VWC2L: variants seen among roughly 807,000 people sequenced by gnomAD.
VWC2L encodes von Willebrand factor C domain containing 2 like.
Under a neutral mutation model 21.6 loss-of-function variants are expected in VWC2L, and 10 were observed. The ratio of observed to expected loss-of-function variants is 0.46; its 90% CI spans 0.29 to 0.78. The LOEUF (loss-of-function observed/expected upper bound fraction) is 0.78. Ranked by LOEUF, VWC2L falls within the 30% of genes least tolerant of loss-of-function variation. VWC2L has a pLI of 0.10. For synonymous variants in VWC2L, 96 were observed against 94.3 expected (o/e 1.02, Z -0.10); for missense variants, 209 against 277.1 (o/e 0.75, Z 1.74).
intron 3 of VWC2L, among the ~76,000 whole-genome samples, chr2:214,482,466 C>T (rs998033568): frequency 4.6e-5 from 7 of 151,154 alleles, no homozygotes; most frequent in African/African-American, 1.7e-4. Flanking sequence ...TACACATACA[C>T]ACATATATAC....
At chr2:214,548,881 G>A (rs1689749833) in intron 3 of VWC2L, among the ~76,000 whole-genome samples, 1 of 152,136 alleles carries the variant, frequency 6.6e-6, no homozygotes, top group African/African-American at 2.4e-5. Context: ...TCAAGGGGTA[G>A]TTTTTACCTT....
At chr2:214,414,768 AT>A in intron 2 of VWC2L, 185 bp downstream of exon 2, 1 of 664,498 alleles carries the variant, frequency 1.5e-6, no homozygotes, top group Non-Finnish European at 2.5e-6. Context: ...TGTTGATCAT[AT>A]TTGTTAAGTT....
intron 3 of VWC2L, among the ~76,000 whole-genome samples, chr2:214,467,814 A>G (rs1703241930): frequency 6.6e-6 from 1 of 152,146 alleles, no homozygotes; most frequent in African/African-American, 2.4e-5. Context: ...TGTCTTAGCC[A>G]TATTAGATAA....
At chr2:214,425,978 C>T (rs1374626133) in intron 2 of VWC2L, among the ~76,000 whole-genome samples, 3 of 151,784 alleles carry the variant, frequency 2.0e-5, no homozygotes, top group African/African-American at 7.3e-5. Flanking sequence ...TCAAGACCAG[C>T]CTGGCCAACA....
At chr2:214,491,277 T>C (rs968964175) in intron 3 of VWC2L, among the ~76,000 whole-genome samples, 1 of 152,234 alleles carries the variant, frequency 6.6e-6, no homozygotes, top group African/African-American at 2.4e-5. Context: ...TGATGTTTTC[T>C]GTGTAAAAGG....
At chr2:214,500,213 A>T (rs1423649791) in intron 3 of VWC2L, among the ~76,000 whole-genome samples, 1 of 152,260 alleles carries the variant, frequency 6.6e-6, no homozygotes, top group Non-Finnish European at 1.5e-5. Context: ...GAAATAGCAT[A>T]AACTACATAC....
At chr2:214,459,276 C>T (rs1422552336) in intron 3 of VWC2L, among the ~76,000 whole-genome samples, 1 of 152,138 alleles carries the variant, frequency 6.6e-6, no homozygotes, top group East Asian at 1.9e-4. Flanking sequence ...CTTCTTCCAT[C>T]CTTTTACTTT....
intron 3 of VWC2L, among the ~76,000 whole-genome samples, chr2:214,452,702 TA>T (rs373053990): frequency 6.6e-6 from 1 of 152,132 alleles, no homozygotes; most frequent in Admixed American, 6.5e-5. Flanking sequence ...CAAATTCCCA[TA>T]AAAAATGGGA....
At chr2:214,476,116 C>G (rs571624410) in intron 3 of VWC2L, among the ~76,000 whole-genome samples, 1 of 152,292 alleles carries the variant, frequency 6.6e-6, no homozygotes, top group East Asian at 1.9e-4. Flanking sequence ...GGCCTCCTTT[C>G]TCTCTTTGAT....
chr2:214,478,675 T>G (rs1470934764), intron 3 of VWC2L, among the ~76,000 whole-genome samples: 1 of 152,068 alleles, frequency 6.6e-6, no homozygotes, highest in Non-Finnish European at 1.5e-5. Flanking sequence ...CTAGGCAGGA[T>G]CCAAAACAAC....
At chr2:214,528,115 T>C (rs781021171) in intron 3 of VWC2L, among the ~76,000 whole-genome samples, 138 of 152,224 alleles carry the variant, frequency 9.1e-4, no homozygotes, top group Non-Finnish European at 1.7e-3. Flanking sequence ...ACTTTGTAAA[T>C]GGAATATGTT....
chr2:214,504,949 T>C (rs1452586193), intron 3 of VWC2L, among the ~76,000 whole-genome samples: 1 of 152,142 alleles, frequency 6.6e-6, no homozygotes, highest in Admixed American at 6.5e-5. Flanking sequence ...TCTCCTAAAA[T>C]CCCAAAATAA....
chr2:214,576,068 TGAC>T lies in VWC2L; in HGVS notation c.*252_*254del. On this transcript the variant is annotated 3_prime_UTR_variant, in exon 4 of 4. Transcript: ENST00000312504. ...TATTTACCAATGCTTGATGGTGACTTGACGACTGGATTGCTGGAACAAAAAGAA... is the reference window on the plus strand; with the variant it reads ...TATTTACCAATGCTTGATGGTGACTTGACTGGATTGCTGGAACAAAAAGAA... 3.9e-6 allele frequency: 1 copy of T among 254,496 alleles called. No individual in the cohort carries two copies. Among genetic ancestry groups the T allele is most frequent in the South Asian group, 1.4e-4 (1 of 7,290 alleles). 15.8% of individuals were successfully genotyped at this position (254,496 alleles called of 1,614,324 possible).
intron 3 of VWC2L, among the ~76,000 whole-genome samples, chr2:214,506,657 CTA>C (rs1182869775): frequency 1.3e-5 from 2 of 151,954 alleles, no homozygotes; most frequent in Non-Finnish European, 2.9e-5. Context: ...AGGGAAGGCT[CTA>C]TATAGGTTAT....
At chr2:214,522,172 A>G (rs559951136) in intron 3 of VWC2L, among the ~76,000 whole-genome samples, 19 of 152,112 alleles carry the variant, frequency 1.2e-4, no homozygotes, top group African/African-American at 3.9e-4. Flanking sequence ...TCAGGAGATC[A>G]AGACCACCCT....
At chr2:214,558,538 G>A (rs1232576164) in intron 3 of VWC2L, among the ~76,000 whole-genome samples, 1 of 152,048 alleles carries the variant, frequency 6.6e-6, no homozygotes, top group African/African-American at 2.4e-5. Context: ...CACACATTCA[G>A]TCTACCACCA....
chr2:214,569,655 T>A (rs1690120506), intron 3 of VWC2L, among the ~76,000 whole-genome samples: 1 of 152,096 alleles, frequency 6.6e-6, no homozygotes, highest in Non-Finnish European at 1.5e-5. Context: ...ACTGACATCA[T>A]CATGTTATGC....
intron 3 of VWC2L, among the ~76,000 whole-genome samples, chr2:214,525,578 C>T (rs1403886664): frequency 6.6e-6 from 1 of 152,088 alleles, no homozygotes; most frequent in Non-Finnish European, 1.5e-5. Context: ...GGGCATGGAA[C>T]CCCCTGGAAT....
intron 3 of VWC2L, among the ~76,000 whole-genome samples, chr2:214,565,276 A>G (rs1239894178): frequency 6.6e-6 from 1 of 152,196 alleles, no homozygotes; most frequent in African/African-American, 2.4e-5. Context: ...ATTTAGATAA[A>G]TATCTTTGCC....
Sources: allele counts gnomAD v4.1 joint callset (sites outside exome capture counted in the v4.1 genomes callset), GRCh38; gene constraint gnomAD v4.1.1; transcripts MANE v1.5; gene names NCBI Gene and HGNC (gene_info 2026-07-23, HGNC 2026-07-21).